The following PCMT1 variants were observed in gnomAD, a reference collection of about 807,000 sequenced individuals.
The protein encoded by PCMT1 is protein-L-isoaspartate(D-aspartate) O-methyltransferase.
In PCMT1, 9 loss-of-function variants were observed where a neutral mutation model predicts 29.2. That is an observed-to-expected ratio of 0.31 (90% CI 0.19 to 0.54). The LOEUF (loss-of-function observed/expected upper bound fraction) is 0.54, where lower values mean the gene tolerates loss of function less well. PCMT1 is among the 20% of genes least tolerant of loss of function. The pLI, the probability that PCMT1 is intolerant of heterozygous loss-of-function variation, is 0.95. For missense variants in PCMT1, 184 were observed against 282.2 expected, an observed-to-expected ratio of 0.65 and a Z score of 2.49; for synonymous variants, 98 against 97.5, an observed-to-expected ratio of 1.00 and a Z score of -0.03.
chr6:149,769,769 A>T, intron 1 of PCMT1, among the ~76,000 whole-genome samples: 1 of 129,128 alleles, frequency 7.7e-6, no homozygotes, highest in African/African-American at 3.4e-5. Context: ...CAGCTAATTA[A>T]ATTTTTTTTT....
At chr6:149,760,116 T>G (rs1786677477) in intron 1 of PCMT1, among the ~76,000 whole-genome samples, 1 of 152,212 alleles carries the variant, frequency 6.6e-6, no homozygotes, top group African/African-American at 2.4e-5. Flanking sequence ...GATTTTTTCC[T>G]AGTGTACTGA....
At chr6:149,769,308 C>CTTTTTTTTTTTTTTTTTTTTTTTTT (rs372773939) in intron 1 of PCMT1, among the ~76,000 whole-genome samples, 1 of 71,560 alleles carries the variant, frequency 1.4e-5, no homozygotes, top group Non-Finnish European at 2.2e-5. Context: ...GTGCAGGATT[C>CTTTTTTTTTTTTTTTTTTTTTTTTT]TTTTTTTTTT....
At position 149,761,799 on chromosome 6, in the gene PCMT1, T is replaced by A. The variant is rs1786752014; in HGVS notation, c.56-9363T>A. ...GACAGTTCTTTTACATTGTCAAAGTTGATAACATTTACATTTTGTTTTGAG... is the reference window on the plus strand; with the variant it reads ...GACAGTTCTTTTACATTGTCAAAGTAGATAACATTTACATTTTGTTTTGAG... On this transcript the variant is annotated intron_variant, in intron 1 of 7. Transcript: ENST00000464889. 2.6e-5 allele frequency among the ~76,000 whole-genome samples: 4 copies of A among 152,344 alleles called. No homozygotes were observed. The South Asian group carries it at 8.3e-4, about 32-fold the overall frequency.
intron 6 of PCMT1, among the ~76,000 whole-genome samples, 157 bp from the exon 7 acceptor site, chr6:149,802,043 C>G (rs1775842217): frequency 6.6e-6 from 1 of 152,052 alleles, no homozygotes; most frequent in South Asian, 2.1e-4. Context: ...GCAGGAGAAT[C>G]ACTTGAACCT....
chr6:149,761,971 C>A (rs1373964638), intron 1 of PCMT1, among the ~76,000 whole-genome samples: 1 of 152,172 alleles, frequency 6.6e-6, no homozygotes, highest in Non-Finnish European at 1.5e-5. Flanking sequence ...ATATTACAGA[C>A]CTTTCTGCTA....
intron 3 of PCMT1, among the ~76,000 whole-genome samples, chr6:149,787,431 A>G (rs1290148672): frequency 6.7e-6 from 1 of 149,768 alleles, no homozygotes; most frequent in East Asian, 2.0e-4. Flanking sequence ...CAGTGGCGCC[A>G]TCTTGGCTCA....
At chr6:149,789,702 A>AT (rs1228073228) in intron 3 of PCMT1, among the ~76,000 whole-genome samples, 1 of 136,162 alleles carries the variant, frequency 7.3e-6, no homozygotes, top group East Asian at 2.4e-4. Context: ...AAATCTTTTA[A>AT]TTTTTTTACT....
intron 5 of PCMT1, chr6:149,795,590 G>A (rs1788573484): frequency 5.8e-6 from 3 of 521,560 alleles, no homozygotes; most frequent in Admixed American, 5.1e-5. Context: ...AGAAAGGAGA[G>A]TATGAAGTAG....
At chr6:149,762,262 C>A (rs140008756) in intron 1 of PCMT1, among the ~76,000 whole-genome samples, 29 of 151,666 alleles carry the variant, frequency 1.9e-4, no homozygotes, top group African/African-American at 6.8e-4. Flanking sequence ...ATCCTGTTTT[C>A]ATTTGGATCA....
chr6:149,753,460 G>A (rs1427019694), intron 1 of PCMT1, among the ~76,000 whole-genome samples: 5 of 151,904 alleles, frequency 3.3e-5, no homozygotes, highest in African/African-American at 1.2e-4. Context: ...AGCCTCCCGA[G>A]TAGCTGGGAT....
rs534387585 is a variant in PCMT1 at position 149,801,792 on chromosome 6, A to G, written c.505-408A>G. The stretch of plus-strand genomic sequence containing the variant: ...TAAAGAACGTTTCTGCTTTCTGCCT[A>G]TGGACACTAAAAGTTGTTTATAATG... On this transcript the variant is annotated intron_variant, in intron 6 of 7. Coordinates refer to ENST00000464889, the MANE Select transcript of PCMT1 (RefSeq NM_001360452.2). Among the ~76,000 whole-genome samples, 40 of 152,216 alleles carry G rather than the reference A, an allele frequency of 2.6e-4. 1 individual carries two copies. The highest frequency in any genetic ancestry group is 2.3e-3 in the Admixed American group (35 of 15,286).
chr6:149,773,349 G>GAGTTT (rs1295181541), intron 3 of PCMT1, among the ~76,000 whole-genome samples, 180 bp downstream of exon 3: 3 of 134,708 alleles, frequency 2.2e-5, no homozygotes, highest in Non-Finnish European at 4.6e-5. Context: ...TCTGTAGAAG[G>GAGTTT]AGTTTTGTTT....
At chr6:149,778,389 C>T (rs7744015) in intron 3 of PCMT1, among the ~76,000 whole-genome samples, 80,918 of 150,790 alleles carry the variant, frequency 0.54, 24,823 homozygotes, top group East Asian at 0.83. Context: ...CCACCACACC[C>T]GGCTAATTTT....
intron 7 of PCMT1, among the ~76,000 whole-genome samples, chr6:149,805,356 G>C (rs1009123350): frequency 2.0e-5 from 3 of 152,130 alleles, no homozygotes; most frequent in Non-Finnish European, 4.4e-5. Context: ...CACTTTGGGA[G>C]GCCAAGGCGG....
chr6:149,803,052 C>CAAAAAAAAAAAAAAAAAAAA (rs60853264), intron 7 of PCMT1, among the ~76,000 whole-genome samples: 2 of 70,570 alleles, frequency 2.8e-5, no homozygotes, highest in African/African-American at 4.9e-5. Flanking sequence ...GGCTCTGTCT[C>CAAAAAAAAAAAAAAAAAAAA]AAAAAAAAAA....
intron 2 of PCMT1, 21 bp downstream of exon 2, chr6:149,771,287 A>G: frequency 7.3e-7 from 1 of 1,368,954 alleles, no homozygotes; most frequent in East Asian, 2.3e-5. Context: ...GATTTCTGAA[A>G]ATATCATAGT....
At chr6:149,757,691 A>C (rs1310546491) in intron 1 of PCMT1, among the ~76,000 whole-genome samples, 1 of 152,162 alleles carries the variant, frequency 6.6e-6, no homozygotes, top group Non-Finnish European at 1.5e-5. Context: ...GTTGGCTTTG[A>C]AAAAGTGTTT....
intron 1 of PCMT1, among the ~76,000 whole-genome samples, chr6:149,762,875 G>GATAT (rs1247815745): frequency 2.1e-5 from 1 of 48,540 alleles, no homozygotes. Flanking sequence ...ATATATCTAT[G>GATAT]ATATATATGT....
rs558170673 is a variant in PCMT1 at position 149,772,608 on chromosome 6, T to C, written c.161-530T>C. 23 of 456,104 alleles carry C rather than the reference T, an allele frequency of 5.0e-5. No individual in the cohort carries two copies. In the Admixed American group the frequency reaches 5.4e-4, roughly 11 times the overall value. 28.3% of individuals were successfully genotyped at this position (456,104 alleles called of 1,614,324 possible). On this transcript the variant is annotated intron_variant, in intron 2 of 7. Coordinates refer to ENST00000464889, the MANE Select transcript of PCMT1 (RefSeq NM_001360452.2). ...CTGCCGTACTTTAGAGGGACTGTTT[T>C]ACTAGATGAGCACGTTACCCTTTGG...
Sources: gnomAD v4.1 joint callset for allele counts (sites outside exome capture counted in the v4.1 genomes callset) on GRCh38, gnomAD v4.1.1 for gene constraint, MANE v1.5 for transcripts, NCBI Gene and HGNC (gene_info 2026-07-23, HGNC 2026-07-21) for gene names.